The following SLIT2 variants were observed in gnomAD, a reference collection of about 807,000 sequenced individuals.
SLIT2 encodes slit homolog 2 protein.
A neutral mutation model predicts 185.7 loss-of-function variants in SLIT2; 41 were observed. That is an observed-to-expected ratio of 0.22 (90% CI 0.17 to 0.29). The LOEUF (loss-of-function observed/expected upper bound fraction) is 0.29. SLIT2 is among the 10% of genes least tolerant of loss of function. The pLI, the probability that SLIT2 is intolerant of heterozygous loss-of-function variation, is 1.00. For missense variants in SLIT2, 1,571 were observed against 1,909.0 expected, an observed-to-expected ratio of 0.82 and a Z score of 3.30; for synonymous variants, 693 against 680.2, an observed-to-expected ratio of 1.02 and a Z score of -0.29.
intron 26 of SLIT2, among the ~76,000 whole-genome samples, chr4:20,555,012 C>T (rs1480907744): frequency 6.6e-6 from 1 of 152,008 alleles, no homozygotes; most frequent in African/African-American, 2.4e-5. Flanking sequence ...TCATGATCCA[C>T]ACCCCCTTGG....
Position 20,511,420 on chromosome 4 carries a change from CT to C in SLIT2, c.1058+302del, listed in dbSNP as rs1040955182. Among the ~76,000 whole-genome samples, 599 of 122,018 alleles carry C rather than the reference CT, an allele frequency of 4.9e-3. 4 individuals carry two copies. The highest frequency in any genetic ancestry group is 0.032 in the South Asian group (114 of 3,590). The allele number at this position is 122,018 out of a possible 152,430, so 80.0% of individuals were successfully genotyped here. On this transcript the variant is annotated intron_variant, in intron 11 of 36. Transcript: ENST00000504154. ...CCCCTTTTTGACCATTTTTTTATTT[CT>C]TTTTTTTTTTTTTTTTTTGAGACGG...
At chr4:20,336,939 T>C (rs536686005) in intron 4 of SLIT2, among the ~76,000 whole-genome samples, 3 of 152,296 alleles carry the variant, frequency 2.0e-5, no homozygotes, top group Non-Finnish European at 4.4e-5. Flanking sequence ...CCTGATAAAA[T>C]TTTTGTTTGG....
At chr4:20,379,172 A>G (rs896273299) in intron 4 of SLIT2, among the ~76,000 whole-genome samples, 1 of 152,108 alleles carries the variant, frequency 6.6e-6, no homozygotes, top group Non-Finnish European at 1.5e-5. Flanking sequence ...GGTGATAGTG[A>G]TATGTGTCAA....
chr4:20,270,030 G>A (rs1232080283), intron 4 of SLIT2, among the ~76,000 whole-genome samples: 4 of 151,666 alleles, frequency 2.6e-5, no homozygotes, highest in African/African-American at 9.7e-5. Context: ...TCTTTTTTGT[G>A]TTCCCTGCTG....
chr4:20,418,966 G>A (rs1468764676), intron 4 of SLIT2, among the ~76,000 whole-genome samples: 1 of 152,144 alleles, frequency 6.6e-6, no homozygotes, highest in African/African-American at 2.4e-5. Flanking sequence ...TAGTGAACAG[G>A]AAGGATATCA....
chr4:20,375,930 G>A (rs1460377260), intron 4 of SLIT2, among the ~76,000 whole-genome samples: 19 of 151,762 alleles, frequency 1.3e-4, no homozygotes, highest in Admixed American at 1.1e-3. Flanking sequence ...ACCACCACGA[G>A]CTTGTCATTA....
chr4:20,275,023 T>C (rs1714022831), intron 4 of SLIT2, among the ~76,000 whole-genome samples: 1 of 152,124 alleles, frequency 6.6e-6, no homozygotes, highest in Admixed American at 6.6e-5. Flanking sequence ...ATCATATTCA[T>C]GTAAAAAATA....
At chr4:20,450,014 G>A (rs919228393) in intron 4 of SLIT2, among the ~76,000 whole-genome samples, 1 of 152,086 alleles carries the variant, frequency 6.6e-6, no homozygotes, top group African/African-American at 2.4e-5. Flanking sequence ...AACTTGGCAA[G>A]AGTATAGTTA....
rs1722148839 is a variant in SLIT2, at chr4:20,252,850, C to T, written c.-966C>T. ...CCTTTGCCTTTCCACTCCTTCCGGT[C>T]TGCCTGGTTTTTAAGTCCGCCCCCA... On this transcript the variant is annotated 5_prime_UTR_variant, in exon 1 of 37. Transcript: ENST00000504154. 6.6e-6 allele frequency among the ~76,000 whole-genome samples: 1 copy of T among 152,204 alleles called. No individual in the cohort carries two copies. The highest frequency in any genetic ancestry group is 2.4e-5 in the African/African-American group (1 of 41,458).
At chr4:20,405,680 G>A (rs1726721390) in intron 4 of SLIT2, among the ~76,000 whole-genome samples, 1 of 151,872 alleles carries the variant, frequency 6.6e-6, no homozygotes, top group Middle Eastern at 3.2e-3. Flanking sequence ...CCATAATGAA[G>A]CTTCCATAAG....
At chr4:20,551,413 G>A (rs1035165817) in intron 25 of SLIT2, among the ~76,000 whole-genome samples, 1 of 152,160 alleles carries the variant, frequency 6.6e-6, no homozygotes, top group Non-Finnish European at 1.5e-5. Context: ...TGGGTGAAAT[G>A]GCTTTTCCTT....
intron 29 of SLIT2, among the ~76,000 whole-genome samples, chr4:20,583,853 GT>G (rs948316082): frequency 1.3e-5 from 2 of 151,694 alleles, no homozygotes; most frequent in African/African-American, 4.8e-5. Context: ...AAATAAAAAA[GT>G]TAGGTTCATA....
chr4:20,292,154 T>G (rs1484665606), intron 4 of SLIT2, among the ~76,000 whole-genome samples: 1 of 152,142 alleles, frequency 6.6e-6, no homozygotes, highest in Non-Finnish European at 1.5e-5. Flanking sequence ...AATTCTCTTT[T>G]CCCCATTCAT....
chr4:20,291,688 A>G (rs1715962300), intron 4 of SLIT2, among the ~76,000 whole-genome samples: 1 of 151,700 alleles, frequency 6.6e-6, no homozygotes, highest in South Asian at 2.1e-4. Context: ...AAATAGAAGT[A>G]ATTTATAAAT....
At chr4:20,289,730 C>A (rs2109076132) in intron 4 of SLIT2, among the ~76,000 whole-genome samples, 1 of 152,286 alleles carries the variant, frequency 6.6e-6, no homozygotes, top group African/African-American at 2.4e-5. Context: ...AATAGTATAT[C>A]ACACAAGGTA....
In SLIT2 at chr4:20,484,608, C is replaced by T. The variant is rs1432487691; in HGVS notation, c.540-1592C>T. Among the ~76,000 whole-genome samples the T allele has an allele frequency of 6.6e-6, 1 of 152,140 alleles. No homozygotes were observed. Among genetic ancestry groups the T allele is most frequent in the East Asian group, 1.9e-4 (1 of 5,198 alleles). On this transcript the variant is annotated intron_variant, in intron 6 of 36. Transcript: ENST00000504154. The surrounding 1 kb of genome is among the most constrained non-coding windows in gnomAD (Gnocchi z 4.3). The stretch of plus-strand genomic sequence containing the variant: ...TTGTCAATCTCTTGACCTCTGAACG[C>T]ACCATCAATAACCGCAGCCACCAAC...
rs1175907591 is a variant in SLIT2, at chr4:20,291,447, CATATATATATATATATATATAT to C, written c.395+22591_395+22612del. Among the ~76,000 whole-genome samples the C allele has an allele frequency of 2.5e-3, 124 of 50,252 alleles. 2 individuals carry two copies. The highest frequency in any genetic ancestry group is 0.011 in the South Asian group (11 of 1,022). 33.0% of individuals were successfully genotyped at this position (50,252 alleles called of 152,430 possible). On this transcript the variant is annotated intron_variant, in intron 4 of 36. Transcript: ENST00000504154. ...TGGTATGTCTGCTCCTAAGAAACCT[CATATATATATATATATATATAT>C]ATATATATATATATATATATATATT... is the stretch of plus-strand genomic sequence containing the variant.
At chr4:20,487,808 G>T (rs192526917) in intron 7 of SLIT2, among the ~76,000 whole-genome samples, 16 of 152,276 alleles carry the variant, frequency 1.1e-4, no homozygotes, top group Admixed American at 2.6e-4. Context: ...CTTTGGTTGG[G>T]TCATTATTCT....
chr4:20,317,439 A>G (rs576296834), intron 4 of SLIT2, among the ~76,000 whole-genome samples: 41 of 152,180 alleles, frequency 2.7e-4, no homozygotes, highest in African/African-American at 8.7e-4. Flanking sequence ...ATTGAAATAC[A>G]TTCAATTATC....
Sources: allele counts gnomAD v4.1 joint callset (sites outside exome capture counted in the v4.1 genomes callset), GRCh38; gene constraint gnomAD v4.1.1; non-coding constraint Gnocchi (gnomAD v3.1); transcripts MANE v1.5; gene names NCBI Gene and HGNC (gene_info 2026-07-23, HGNC 2026-07-21).